CNTN5: variants seen among roughly 807,000 people sequenced by gnomAD.
CNTN5 encodes contactin 5, also known as contactin-5.
Under a neutral mutation model 129.1 loss-of-function variants are expected in CNTN5, and 77 were observed. The observed-to-expected ratio is 0.60, with a 90% CI of 0.50 to 0.72. CNTN5 has a LOEUF of 0.72. Ranked by LOEUF, CNTN5 falls within the 30% of genes least tolerant of loss-of-function variation. CNTN5 has a pLI of 0.00. For synonymous variants in CNTN5, 509 were observed against 465.6 expected, an observed-to-expected ratio of 1.09 and a Z score of -1.20; for missense variants, 1,478 against 1,328.8, an observed-to-expected ratio of 1.11 and a Z score of -1.75.
chr11:99,200,144 T>G (rs1859099599), intron 1 of CNTN5, among the ~76,000 whole-genome samples: 1 of 152,162 alleles, frequency 6.6e-6, no homozygotes, highest in Non-Finnish European at 1.5e-5. Flanking sequence ...TCCAGCTAGC[T>G]GTGGGCAAAG....
chr11:99,181,465 A>G (rs1382199778), intron 1 of CNTN5, among the ~76,000 whole-genome samples: 3 of 152,182 alleles, frequency 2.0e-5, no homozygotes, highest in Non-Finnish European at 2.9e-5. Context: ...AAATGTTAGC[A>G]GGGATGATTC....
At chr11:99,530,774 C>T (rs2515374) in intron 2 of CNTN5, among the ~76,000 whole-genome samples, 123,967 of 152,092 alleles carry the variant, frequency 0.82, 51,420 homozygotes, top group Middle Eastern at 0.9. Flanking sequence ...GTTTCCGCTT[C>T]TGTTTCTTCC....
intron 3 of CNTN5, among the ~76,000 whole-genome samples, chr11:99,802,718 G>A (rs1946152186): frequency 6.6e-6 from 1 of 152,110 alleles, no homozygotes; most frequent in Non-Finnish European, 1.5e-5. Context: ...TAGGTTCTGT[G>A]AATGCCTGGA....
chr11:100,024,522 A>G (rs986303814), intron 9 of CNTN5, among the ~76,000 whole-genome samples: 3 of 152,194 alleles, frequency 2.0e-5, no homozygotes, highest in Non-Finnish European at 2.9e-5. Context: ...TGGAGGGCTC[A>G]GGAGAAGACA....
chr11:99,657,308 A>G (rs1354826162), intron 3 of CNTN5, among the ~76,000 whole-genome samples: 1 of 152,142 alleles, frequency 6.6e-6, no homozygotes, highest in Non-Finnish European at 1.5e-5. Flanking sequence ...GAATAGTACA[A>G]CAAATGTATA....
intron 3 of CNTN5, among the ~76,000 whole-genome samples, chr11:99,806,887 G>A (rs1011217843): frequency 0.011 from 5 of 442 alleles, no homozygotes; most frequent in African/African-American, 0.048. Context: ...TGATCAATTA[G>A]TTCTTGCAAG....
At chr11:99,240,711 A>G (rs1861503969) in intron 1 of CNTN5, among the ~76,000 whole-genome samples, 1 of 152,186 alleles carries the variant, frequency 6.6e-6, no homozygotes, top group Admixed American at 6.5e-5. Context: ...CATAAAATTA[A>G]GAATGAAAAT....
At chr11:99,185,465 A>G (rs1858296760) in intron 1 of CNTN5, among the ~76,000 whole-genome samples, 1 of 151,946 alleles carries the variant, frequency 6.6e-6, no homozygotes, top group Non-Finnish European at 1.5e-5. Flanking sequence ...AAAATAAAAT[A>G]TCTTGATTTC....
At chr11:100,138,256 A>G (rs1946586782) in intron 13 of CNTN5, among the ~76,000 whole-genome samples, 2 of 151,800 alleles carry the variant, frequency 1.3e-5, no homozygotes, top group African/African-American at 4.8e-5. Flanking sequence ...AAGGAAAAAA[A>G]AAAATGAACC....
chr11:99,463,754 A>C (rs1944825924), intron 2 of CNTN5, among the ~76,000 whole-genome samples: 1 of 121,168 alleles, frequency 8.3e-6, no homozygotes, highest in South Asian at 3.0e-4. Context: ...AAAAATGCAA[A>C]CTTATTTCTG....
intron 2 of CNTN5, among the ~76,000 whole-genome samples, chr11:99,384,968 G>A (rs1482065888): frequency 2.6e-5 from 4 of 151,916 alleles, no homozygotes; most frequent in East Asian, 1.9e-4. Context: ...CTATTAAATG[G>A]CAATGTATTG....
chr11:99,905,410 G>T (rs575162549), intron 6 of CNTN5, among the ~76,000 whole-genome samples: 1 of 152,102 alleles, frequency 6.6e-6, no homozygotes, highest in Admixed American at 6.6e-5. Context: ...CTTTCCCCAT[G>T]GCTTGTTTTT....
chr11:99,258,819 A>G (rs1416656537), intron 1 of CNTN5, among the ~76,000 whole-genome samples: 1 of 151,924 alleles, frequency 6.6e-6, no homozygotes, highest in Non-Finnish European at 1.5e-5. Flanking sequence ...AAAAGTTGTG[A>G]TTAGGAAAAT....
chr11:100,086,966 T>G (rs565663015), intron 13 of CNTN5, among the ~76,000 whole-genome samples: 67 of 151,662 alleles, frequency 4.4e-4, no homozygotes, highest in Non-Finnish European at 8.0e-4. Context: ...CTTAAGAAAT[T>G]AGGAAACGAA....
rs114395703 is a variant in CNTN5, at chr11:100,213,368, A to G, written c.1885-11324A>G. ...ACATATTTCTGCTAGCTTGAAGACAATAATCTACAGGGTCTCTTGTAATAC... is the reference window on the plus strand; with the variant it reads ...ACATATTTCTGCTAGCTTGAAGACAGTAATCTACAGGGTCTCTTGTAATAC... On this transcript the variant is annotated intron_variant, in intron 15 of 24. Transcript: ENST00000524871. 3.0e-3 allele frequency among the ~76,000 whole-genome samples: 458 copies of G among 152,332 alleles called. 2 individuals are homozygous for G. Among genetic ancestry groups the G allele is most frequent in the African/African-American group, 0.011 (443 of 41,594 alleles).
At chr11:99,080,309 C>T (rs961678156) in intron 1 of CNTN5, among the ~76,000 whole-genome samples, 5 of 152,154 alleles carry the variant, frequency 3.3e-5, no homozygotes, top group Admixed American at 1.3e-4. Context: ...AATCTGAATA[C>T]GCCATTACAT....
chr11:99,805,596 A>T (rs1293592583), intron 3 of CNTN5, among the ~76,000 whole-genome samples: 12 of 152,184 alleles, frequency 7.9e-5, no homozygotes, highest in Non-Finnish European at 2.9e-5. Context: ...CAGGGGAAGT[A>T]GTGTGCTTTC....
At chr11:99,265,464 C>A (rs755734370) in intron 1 of CNTN5, among the ~76,000 whole-genome samples, 58 of 151,934 alleles carry the variant, frequency 3.8e-4, no homozygotes, top group African/African-American at 1.3e-3. Context: ...AGCTGAAAGA[C>A]AATAAAACAG....
intron 3 of CNTN5, among the ~76,000 whole-genome samples, chr11:99,754,733 T>A (rs1413509695): frequency 6.6e-6 from 1 of 152,158 alleles, no homozygotes; most frequent in Non-Finnish European, 1.5e-5. Context: ...GTGGTACACT[T>A]GTTACAGTCT....
Sources: allele counts gnomAD v4.1 joint callset (sites outside exome capture counted in the v4.1 genomes callset), GRCh38; gene constraint gnomAD v4.1.1; transcripts MANE v1.5; gene names NCBI Gene and HGNC (gene_info 2026-07-23, HGNC 2026-07-21).